SPATA17: variants seen among roughly 807,000 people sequenced by gnomAD.
The protein encoded by SPATA17 is spermatogenesis-associated protein 17.
In SPATA17, 53 loss-of-function variants were observed where a neutral mutation model predicts 62.2. The ratio of observed to expected loss-of-function variants is 0.85; its 90% CI spans 0.68 to 1.07. The LOEUF (loss-of-function observed/expected upper bound fraction) is 1.07. SPATA17 is among the 50% of genes least tolerant of loss of function. The pLI is 0.00. For synonymous variants in SPATA17, 146 were observed against 146.8 expected, an observed-to-expected ratio of 0.99 and a Z score of 0.04; for missense variants, 466 against 425.5, an observed-to-expected ratio of 1.10 and a Z score of -0.84.
chr1:217,782,558 A>G (rs1471072274), intron 8 of SPATA17, among the ~76,000 whole-genome samples: 1 of 152,154 alleles, frequency 6.6e-6, no homozygotes, highest in African/African-American at 2.4e-5. Context: ...CATTTTGAGG[A>G]TAAATGATCA....
At chr1:217,711,401 G>T (rs1239146559) in intron 5 of SPATA17, among the ~76,000 whole-genome samples, 1 of 152,028 alleles carries the variant, frequency 6.6e-6, no homozygotes, top group East Asian at 1.9e-4. Context: ...TTTATCTTGG[G>T]TACATCATGA....
At chr1:217,698,581 A>T (rs976077821) in intron 5 of SPATA17, among the ~76,000 whole-genome samples, 1 of 22,014 alleles carries the variant, frequency 4.5e-5, no homozygotes, top group Non-Finnish European at 1.5e-4. Context: ...TGCAGTTATA[A>T]AAAAAAAAAA....
chr1:217,848,503 T>G lies in SPATA17; in HGVS notation c.1006-14271T>G, dbSNP rs188791706. 1.4e-3 allele frequency among the ~76,000 whole-genome samples: 207 copies of G among 152,308 alleles called. 2 individuals are homozygous for G. The highest frequency in any genetic ancestry group is 4.8e-3 in the African/African-American group (198 of 41,584). ...ATGTTCCATGATGATGTTTCTTCTG[T>G]GTAACTTTTTATATTCCCTGGAGTT... On this transcript the variant is annotated intron_variant, in intron 9 of 10. Transcript: ENST00000366933.
intron 8 of SPATA17, among the ~76,000 whole-genome samples, chr1:217,789,840 GC>G (rs1673957547): frequency 6.6e-6 from 1 of 152,016 alleles, no homozygotes; most frequent in South Asian, 2.1e-4. Context: ...TTCGAGACCA[GC>G]CAGGCCAACA....
At chr1:217,737,267 T>C (rs149967804) in intron 5 of SPATA17, among the ~76,000 whole-genome samples, 1 of 152,298 alleles carries the variant, frequency 6.6e-6, no homozygotes, top group East Asian at 1.9e-4. Flanking sequence ...AATGAGATGA[T>C]ATCTATGTCT....
At chr1:217,730,022 A>G (rs917460508) in intron 5 of SPATA17, among the ~76,000 whole-genome samples, 1 of 152,202 alleles carries the variant, frequency 6.6e-6, no homozygotes, top group Non-Finnish European at 1.5e-5. Flanking sequence ...AAAGGAAAAT[A>G]TAGATATGAT....
chr1:217,773,271 A>C (rs911943697), intron 6 of SPATA17, among the ~76,000 whole-genome samples: 2 of 152,162 alleles, frequency 1.3e-5, no homozygotes, highest in African/African-American at 4.8e-5. Flanking sequence ...TTGATGGCAT[A>C]AGAGAAATCA....
intron 7 of SPATA17, among the ~76,000 whole-genome samples, chr1:217,778,366 C>T (rs992866468): frequency 2.0e-5 from 3 of 151,890 alleles, no homozygotes; most frequent in Admixed American, 6.5e-5. Flanking sequence ...ACTAAAAATA[C>T]AAAAATTAGC....
intron 9 of SPATA17, among the ~76,000 whole-genome samples, chr1:217,803,385 T>C (rs1674361312): frequency 2.0e-5 from 3 of 152,178 alleles, no homozygotes; most frequent in Admixed American, 6.5e-5. Flanking sequence ...AAAAGACTGT[T>C]AGAACTAATA....
chr1:217,647,686 A>G (rs1294022023), intron 1 of SPATA17, among the ~76,000 whole-genome samples: 1 of 152,090 alleles, frequency 6.6e-6, no homozygotes, highest in Non-Finnish European at 1.5e-5. Context: ...GGACAATAAT[A>G]TGATGCCAGA....
At chr1:217,649,016 A>G (rs1277855099) in intron 2 of SPATA17, 45 bp downstream of exon 2, 14 of 1,322,404 alleles carry the variant, frequency 1.1e-5, no homozygotes, top group Middle Eastern at 3.7e-4. Flanking sequence ...TCATAAAAAT[A>G]TATTCCTTAG....
At chr1:217,712,693 A>G (rs1310032469) in intron 5 of SPATA17, among the ~76,000 whole-genome samples, 4 of 152,032 alleles carry the variant, frequency 2.6e-5, no homozygotes, top group Non-Finnish European at 4.4e-5. Context: ...TCATTTTTTC[A>G]TAGCATACTA....
intron 5 of SPATA17, among the ~76,000 whole-genome samples, chr1:217,685,114 A>G (rs796073697): frequency 1.3e-5 from 2 of 152,158 alleles, no homozygotes; most frequent in African/African-American, 4.8e-5. Flanking sequence ...TTGCAAGGAG[A>G]AGAAATACGT....
intron 4 of SPATA17, among the ~76,000 whole-genome samples, chr1:217,675,639 C>A (rs1670929860): frequency 6.6e-6 from 1 of 152,162 alleles, no homozygotes; most frequent in African/African-American, 2.4e-5. Flanking sequence ...AATGAATTAA[C>A]AATTGTATAG....
chr1:217,646,347 C>T (rs560574571), intron 1 of SPATA17, among the ~76,000 whole-genome samples: 1 of 152,222 alleles, frequency 6.6e-6, no homozygotes, highest in Non-Finnish European at 1.5e-5. Context: ...GAATTCTTAA[C>T]ACTAACACTT....
chr1:217,649,403 C>T (rs561772499), intron 2 of SPATA17, among the ~76,000 whole-genome samples: 3 of 152,082 alleles, frequency 2.0e-5, no homozygotes, highest in Admixed American at 6.5e-5. Context: ...CCCTTGAACC[C>T]GGAAGGCGAA....
intron 5 of SPATA17, among the ~76,000 whole-genome samples, chr1:217,683,679 A>G (rs1476425243): frequency 6.6e-6 from 1 of 152,076 alleles, no homozygotes; most frequent in East Asian, 1.9e-4. Flanking sequence ...TGACCTTGTG[A>G]TCTGCCCGCC....
intron 6 of SPATA17, among the ~76,000 whole-genome samples, chr1:217,765,297 TTTC>T (rs1673271669): frequency 6.6e-6 from 1 of 151,750 alleles, no homozygotes; most frequent in Non-Finnish European, 1.5e-5. Flanking sequence ...TATTACTTCT[TTTC>T]TTCTGCTTGC....
At chr1:217,827,800 CAT>C (rs1392079971) in intron 9 of SPATA17, among the ~76,000 whole-genome samples, 2 of 152,124 alleles carry the variant, frequency 1.3e-5, no homozygotes, top group African/African-American at 4.8e-5. Flanking sequence ...CCAAACACCA[CAT>C]GTTCTCACTC....
Sources: gnomAD v4.1 joint callset for allele counts (sites outside exome capture counted in the v4.1 genomes callset) on GRCh38, gnomAD v4.1.1 for gene constraint, MANE v1.5 for transcripts, NCBI Gene and HGNC (gene_info 2026-07-23, HGNC 2026-07-21) for gene names.